NKD1: variants seen among roughly 807,000 people sequenced by gnomAD.
NKD1 encodes the protein protein naked cuticle homolog 1.
In NKD1, 21 loss-of-function variants were observed where a neutral mutation model predicts 56.0. That is an observed-to-expected ratio of 0.38 (90% CI 0.27 to 0.54). The LOEUF is 0.54. Among genes scored for constraint, NKD1 ranks in the 20% least tolerant of loss-of-function variants. The pLI, the probability that NKD1 is intolerant of heterozygous loss-of-function variation, is 0.82. For missense variants in NKD1, 578 were observed against 642.7 expected (o/e 0.90, Z 1.09); for synonymous variants, 263 against 265.7 (o/e 0.99, Z 0.10).
intron 3 of NKD1, among the ~76,000 whole-genome samples, chr16:50,563,068 G>A (rs1960677938): frequency 7.0e-6 from 1 of 142,928 alleles, no homozygotes; most frequent in Non-Finnish European, 1.5e-5. Flanking sequence ...AGAACTTTCT[G>A]ATGATGGAAA....
At chr16:50,576,936 G>A (rs948392794) in intron 3 of NKD1, among the ~76,000 whole-genome samples, 1 of 152,168 alleles carries the variant, frequency 6.6e-6, no homozygotes, top group Non-Finnish European at 1.5e-5. Context: ...AGAGGCCCCT[G>A]CTGGGCCCTG....
At chr16:50,549,172 T>C (rs533785150) in intron 2 of NKD1, among the ~76,000 whole-genome samples, 16 of 150,558 alleles carry the variant, frequency 1.1e-4, no homozygotes, top group Non-Finnish European at 2.1e-4. Context: ...CCTGGTCTGA[T>C]CCTAAACCCG....
intron 3 of NKD1, among the ~76,000 whole-genome samples, chr16:50,567,337 T>A (rs905066707): frequency 3.3e-5 from 5 of 152,222 alleles, no homozygotes; most frequent in African/African-American, 1.2e-4. Flanking sequence ...TAAACCGGTC[T>A]CCATTTCTTT....
intron 3 of NKD1, chr16:50,566,004 C>T: frequency 4.6e-6 from 1 of 216,550 alleles, no homozygotes; most frequent in Non-Finnish European, 7.9e-6. Flanking sequence ...GTGCCCCCGA[C>T]ACACACTGCA....
chr16:50,579,379 G>A lies in NKD1; in HGVS notation c.193-28915G>A, dbSNP rs180771379. On this transcript the variant is annotated intron_variant, in intron 3 of 9. Coordinates refer to ENST00000268459, the MANE Select transcript of NKD1 (RefSeq NM_033119.5). ...CTCCTGCGGGCTACCCGCTACACAC[G>A]CACTCTAACCAGCCACACATGCACT... Among the ~76,000 whole-genome samples, 21 of 143,076 alleles carry A rather than the reference G, an allele frequency of 1.5e-4. No individual in the cohort carries two copies. In the East Asian group the frequency reaches 4.0e-3, roughly 27 times the overall value. 93.9% of individuals were successfully genotyped at this position (143,076 alleles called of 152,430 possible). A position where few individuals can be genotyped will look rare whatever the true frequency, so the allele number is the denominator to read the frequency against.
Position 50,639,197 on chromosome 16 carries a change from C to T in NKD1, c.*5416C>T, listed in dbSNP as rs956918378. ...CCAGGTGACTTCTTAGGCAGCCCAG[C>T]TAAGCCCCTAGAGCCTTGCAATTTC... On this transcript the variant is annotated 3_prime_UTR_variant, in exon 10 of 10. Transcript: ENST00000268459. 6.6e-6 allele frequency: 1 copy of T among 152,116 alleles called. No individual in the cohort carries two copies. Among genetic ancestry groups the T allele is most frequent in the African/African-American group, 2.4e-5 (1 of 41,408 alleles). The allele number at this position is 152,116 out of a possible 1,614,324, so 9.4% of individuals were successfully genotyped here. A position where few individuals can be genotyped will look rare whatever the true frequency, so the allele number is the denominator to read the frequency against.
Position 50,585,391 on chromosome 16 carries a change from G to A in NKD1, c.193-22903G>A, listed in dbSNP as rs143278228. Among the ~76,000 whole-genome samples the A allele has an allele frequency of 1.4e-4, 22 of 152,308 alleles. No individual in the cohort carries two copies. The East Asian group carries it at 2.3e-3, about 16-fold the overall frequency. On this transcript the variant is annotated intron_variant, in intron 3 of 9. Coordinates refer to ENST00000268459, the MANE Select transcript of NKD1 (RefSeq NM_033119.5). ...GCCCGGCAGCTGGGCTCTGTCAGCCGCATGGAGACGTGAACCCTGCCGGCC... is the reference window on the plus strand; with the variant it reads ...GCCCGGCAGCTGGGCTCTGTCAGCCACATGGAGACGTGAACCCTGCCGGCC...
At chr16:50,576,642 C>T (rs74017725) in intron 3 of NKD1, among the ~76,000 whole-genome samples, 17 of 151,484 alleles carry the variant, frequency 1.1e-4, no homozygotes, top group African/African-American at 3.9e-4. Context: ...GTGGCTTTTA[C>T]GGTGGTGATG....
At chr16:50,613,807 C>T (rs1961902729) in intron 4 of NKD1, 1 of 152,170 alleles carries the variant, frequency 6.6e-6, no homozygotes, top group Non-Finnish European at 1.5e-5. Context: ...GCTTTTTCTC[C>T]CCTTTCCCCT....
intron 3 of NKD1, chr16:50,571,646 C>T: frequency 2.3e-6 from 1 of 426,898 alleles, no homozygotes; most frequent in East Asian, 1.6e-4. Flanking sequence ...GCCAGATGGA[C>T]ACCTTTCGTC....
intron 3 of NKD1, chr16:50,606,801 C>T (rs768150220): frequency 6.6e-6 from 3 of 456,680 alleles, no homozygotes; most frequent in South Asian, 4.6e-5. Context: ...TTGCCTGTTC[C>T]CTCGGGGAAG....
At chr16:50,568,849 C>A (rs1320731889) in intron 3 of NKD1, among the ~76,000 whole-genome samples, 1 of 152,124 alleles carries the variant, frequency 6.6e-6, no homozygotes, top group Admixed American at 6.6e-5. Context: ...CTTCTCTCCC[C>A]CAATGTGGAA....
At position 50,592,333 on chromosome 16, in the gene NKD1, G is replaced by T. The variant is rs1013116401; in HGVS notation, c.193-15961G>T. ...CCAGCATGTCCTGGGCCCACTGGGG[G>T]TGGGTCCTAGCCCTGCCCCATGCCC... On this transcript the variant is annotated intron_variant, in intron 3 of 9. Coordinates refer to ENST00000268459, the MANE Select transcript of NKD1 (RefSeq NM_033119.5). Among the ~76,000 whole-genome samples the T allele has an allele frequency of 6.2e-4, 94 of 152,344 alleles. 1 individual carries two copies. The highest frequency in any genetic ancestry group is 2.2e-3 in the African/African-American group (90 of 41,572).
rs1333340815 is a variant in NKD1 at position 50,644,284 on chromosome 16, C to T, written c.*10503C>T. ...GGTTTCCACCAAAGCACTTGTTCAC[C>T]AGATTATCTTATAATCCCAAAGGCC... On this transcript the variant is annotated 3_prime_UTR_variant, in exon 10 of 10. Transcript: ENST00000268459. 6.6e-6 allele frequency: 1 copy of T among 152,244 alleles called. No homozygotes were observed. Among genetic ancestry groups the T allele is most frequent in the Admixed American group, 6.5e-5 (1 of 15,288 alleles). The allele number at this position is 152,244 out of a possible 1,614,324, so 9.4% of individuals were successfully genotyped here. A position where few individuals can be genotyped will look rare whatever the true frequency, so the allele number is the denominator to read the frequency against.
chr16:50,556,881 T>C (rs900560436), intron 3 of NKD1: 1 of 152,102 alleles, frequency 6.6e-6, no homozygotes, highest in Non-Finnish European at 1.5e-5. Context: ...GCCTTATATA[T>C]ATTTTTTAAC....
chr16:50,554,592 A>T (rs1407544420), intron 3 of NKD1, among the ~76,000 whole-genome samples: 1 of 151,990 alleles, frequency 6.6e-6, no homozygotes, highest in African/African-American at 2.4e-5. Context: ...TTAGGCACTC[A>T]GCTTAATGAA....
intron 5 of NKD1, among the ~76,000 whole-genome samples, chr16:50,624,472 C>T (rs1267157645): frequency 6.6e-6 from 1 of 152,170 alleles, no homozygotes; most frequent in Non-Finnish European, 1.5e-5. Flanking sequence ...CAGCTACTAC[C>T]ATTGATTGAG....
chr16:50,618,156 G>C (rs1342870110), intron 4 of NKD1, among the ~76,000 whole-genome samples: 1 of 152,018 alleles, frequency 6.6e-6, no homozygotes, highest in East Asian at 1.9e-4. Context: ...TCCCCACCCG[G>C]TCTCCTGCTT....
In NKD1 at chr16:50,632,348, A is replaced by G. The variant is rs745964135; in HGVS notation, c.763A>G (p.Arg255Gly). ...CCATTGCGTAGATGAGAACATCGAG[A>G]GGAGAAACCACTACTTAGATCTCGC... ...YHHCVDENIE[R>G]RNHYLDLAGI... Residue 255 changes from arginine to glycine, a missense_variant, in exon 9 of 10, where the codon AGG becomes GGG. Transcript: ENST00000268459. The surrounding 1 kb of genome is among the most constrained non-coding windows in gnomAD (Gnocchi z 4.1). The G allele has an allele frequency of 1.2e-6, 2 of 1,614,130 alleles. No homozygotes were observed. Among genetic ancestry groups the G allele is most frequent in the Admixed American group, 3.3e-5 (2 of 60,020 alleles).
Sources: gnomAD v4.1 joint callset for allele counts (sites outside exome capture counted in the v4.1 genomes callset) on GRCh38, gnomAD v4.1.1 for gene constraint, Gnocchi (gnomAD v3.1) non-coding constraint, MANE v1.5 for transcripts, NCBI Gene and HGNC (gene_info 2026-07-23, HGNC 2026-07-21) for gene names.